Variants in PTCHD4 observed in about 807,000 individuals in gnomAD.
The protein encoded by PTCHD4 is patched domain containing 4.
A neutral mutation model predicts 58.1 loss-of-function variants in PTCHD4; 33 were observed. The observed-to-expected ratio is 0.57, with a 90% confidence interval of 0.43 to 0.76. The LOEUF (loss-of-function observed/expected upper bound fraction) is 0.76, where lower values mean the gene tolerates loss of function less well. Among genes scored for constraint, PTCHD4 ranks in the 30% least tolerant of loss-of-function variants. The pLI is 0.00. For missense variants in PTCHD4, 1,058 were observed against 1,027.1 expected, an observed-to-expected ratio of 1.03 and a Z score of -0.41; for synonymous variants, 478 against 409.6, an observed-to-expected ratio of 1.17 and a Z score of -2.02.
At chr6:48,105,087 C>T (rs1426366260) in intron 1 of PTCHD4, among the ~76,000 whole-genome samples, 3 of 152,196 alleles carry the variant, frequency 2.0e-5, no homozygotes, top group Admixed American at 6.5e-5. Flanking sequence ...GAACTCAGCT[C>T]TGCACCAAGC....
At chr6:47,992,408 A>T (rs1768316390) in intron 4 of PTCHD4, among the ~76,000 whole-genome samples, 1 of 152,228 alleles carries the variant, frequency 6.6e-6, no homozygotes, top group Admixed American at 6.5e-5. Flanking sequence ...TTTACATGTT[A>T]TCACAAAAGA....
At chr6:48,082,404 G>A (rs1202876062) in intron 1 of PTCHD4, among the ~76,000 whole-genome samples, 3 of 152,166 alleles carry the variant, frequency 2.0e-5, no homozygotes, top group African/African-American at 7.2e-5. Flanking sequence ...TTTCTGATCT[G>A]TGAACTGGAA....
At position 47,860,627 on chromosome 6, in the gene PTCHD4, GA is replaced by G. The variant is rs1763402643; in HGVS notation, c.*17675del. Among the ~76,000 whole-genome samples, 2 of 151,732 alleles carry G rather than the reference GA, an allele frequency of 1.3e-5. No homozygotes were observed. Among genetic ancestry groups the G allele is most frequent in the African/African-American group, 4.8e-5 (2 of 41,342 alleles). On this transcript the variant is annotated 3_prime_UTR_variant, in exon 5 of 5. Transcript: ENST00000339488. The stretch of plus-strand genomic sequence containing the variant: ...CTTCACAATGTCTATCTTCCTTTAT[GA>G]TTTTTTTTCTCTGAACTCATATCTT...
chr6:47,930,997 C>T (rs1581895399), intron 4 of PTCHD4, among the ~76,000 whole-genome samples: 1 of 152,194 alleles, frequency 6.6e-6, no homozygotes, highest in Non-Finnish European at 1.5e-5. Flanking sequence ...GTTGGCTAAG[C>T]TGGTCTTGAA....
chr6:48,009,572 C>G (rs916430706), intron 3 of PTCHD4, among the ~76,000 whole-genome samples: 2 of 152,140 alleles, frequency 1.3e-5, no homozygotes, highest in Non-Finnish European at 2.9e-5. Context: ...AGGGTTCATT[C>G]ATATACCTAT....
chr6:48,001,498 A>C (rs1768720616), intron 4 of PTCHD4, among the ~76,000 whole-genome samples: 1 of 152,232 alleles, frequency 6.6e-6, no homozygotes, highest in South Asian at 2.1e-4. Flanking sequence ...GACAAAAACA[A>C]GAACTGGGGA....
intron 1 of PTCHD4, among the ~76,000 whole-genome samples, chr6:48,086,347 T>A (rs1230294588): frequency 6.6e-6 from 1 of 152,338 alleles, no homozygotes; most frequent in South Asian, 2.1e-4. Context: ...GACCCCATTC[T>A]TAGTTCATTA....
At position 47,878,091 on chromosome 6, in the gene PTCHD4, G is replaced by T; in HGVS notation, c.*212C>A. The T allele has an allele frequency of 6.8e-6, 3 of 443,348 alleles. No individual in the cohort carries two copies. Among genetic ancestry groups the T allele is most frequent in the African/African-American group, 2.0e-5 (1 of 49,448 alleles). 27.5% of individuals were successfully genotyped at this position (443,348 alleles called of 1,614,324 possible). A position where few individuals can be genotyped will look rare whatever the true frequency, so the allele number is the denominator to read the frequency against. On this transcript the variant is annotated 3_prime_UTR_variant, in exon 5 of 5. Transcript: ENST00000339488. ...GATTACATCCAGAAACTTGTTTTTA[G>T]AGGAGAACAAGGTTGCAAATAACTT...
chr6:47,905,043 T>TCAGACACACA (rs1764832769), intron 4 of PTCHD4, among the ~76,000 whole-genome samples: 1 of 131,568 alleles, frequency 7.6e-6, no homozygotes, highest in Non-Finnish European at 1.6e-5. Flanking sequence ...AATACAGCCA[T>TCAGACACACA]CACACACACA....
intron 1 of PTCHD4, among the ~76,000 whole-genome samples, chr6:48,081,392 TTCAAATCTC>T (rs1327983532): frequency 1.3e-5 from 2 of 152,144 alleles, no homozygotes; most frequent in African/African-American, 4.8e-5. Context: ...CAAATCTAGG[TTCAAATCTC>T]TCAAATCCAT....
chr6:47,962,040 A>G (rs1253143439), intron 4 of PTCHD4, among the ~76,000 whole-genome samples: 4 of 152,158 alleles, frequency 2.6e-5, no homozygotes, highest in African/African-American at 4.8e-5. Context: ...TAGGAAAAAT[A>G]AAGAAGAAAA....
At chr6:48,067,417 G>A (rs781173294) in intron 3 of PTCHD4, among the ~76,000 whole-genome samples, 64 of 151,958 alleles carry the variant, frequency 4.2e-4, no homozygotes, top group Non-Finnish European at 7.8e-4. Flanking sequence ...ATTTTTTATG[G>A]GAAAGGAAGA....
At position 47,878,021 on chromosome 6, in the gene PTCHD4, A is replaced by G. The variant is rs1445876926; in HGVS notation, c.*282T>C. On this transcript the variant is annotated 3_prime_UTR_variant, in exon 5 of 5. Coordinates refer to ENST00000339488, the MANE Select transcript of PTCHD4 (RefSeq NM_001384253.1). ...AAGAAGCTGGTTATTTTGGCCTTCTATCTTAACACTCCATTGATTCATCCA... is the reference window on the plus strand; with the variant it reads ...AAGAAGCTGGTTATTTTGGCCTTCTGTCTTAACACTCCATTGATTCATCCA... 3 of 275,202 alleles carry G rather than the reference A, an allele frequency of 1.1e-5. No homozygotes were observed. Among genetic ancestry groups the G allele is most frequent in the Non-Finnish European group, 2.0e-5 (3 of 147,444 alleles). 17.0% of individuals were successfully genotyped at this position (275,202 alleles called of 1,614,324 possible). A position where few individuals can be genotyped will look rare whatever the true frequency, so the allele number is the denominator to read the frequency against.
intron 4 of PTCHD4, among the ~76,000 whole-genome samples, chr6:47,915,037 A>C (rs1461924835): frequency 6.6e-6 from 1 of 152,118 alleles, no homozygotes; most frequent in Non-Finnish European, 1.5e-5. Flanking sequence ...GGGCCAATAA[A>C]ATATGTCTGC....
At chr6:48,106,181 A>G (rs1460162107) in intron 1 of PTCHD4, among the ~76,000 whole-genome samples, 1 of 152,228 alleles carries the variant, frequency 6.6e-6, no homozygotes, top group East Asian at 1.9e-4. Context: ...TCCTTGATGA[A>G]CATTGATGCA....
intron 3 of PTCHD4, among the ~76,000 whole-genome samples, chr6:48,060,779 T>A (rs1764599742): frequency 6.6e-6 from 1 of 152,192 alleles, no homozygotes; most frequent in African/African-American, 2.4e-5. Flanking sequence ...CTGACACGCC[T>A]TCAGCCTTTG....
At chr6:47,968,365 T>C (rs1368853118) in intron 4 of PTCHD4, among the ~76,000 whole-genome samples, 2 of 152,120 alleles carry the variant, frequency 1.3e-5, no homozygotes, top group South Asian at 2.1e-4. Context: ...CCACAACAGA[T>C]ATAAAATATA....
chr6:47,989,343 A>C (rs1036826710), intron 4 of PTCHD4, among the ~76,000 whole-genome samples: 1 of 152,220 alleles, frequency 6.6e-6, no homozygotes, highest in Admixed American at 6.5e-5. Flanking sequence ...CCATTTACTG[A>C]AGAGGAATTC....
In PTCHD4 at chr6:48,068,563, G is replaced by A; in HGVS notation, c.84C>T (p.Cys28=). The change falls in exon 3 of 5, where the codon TGC becomes TGT. Residue 28 remains cysteine (C), a synonymous_variant. Coordinates refer to ENST00000339488, the MANE Select transcript of PTCHD4 (RefSeq NM_001384253.1). The surrounding 1 kb of genome is among the most constrained non-coding windows in gnomAD (Gnocchi z 4.2). ...GGCTCACGCACAAACCCAGCCTGTG[G>A]CAGAACGACTGGAGCCCTCTGCGAA... ...QVLRRGLQSF[C]HRLGLCVSRH... 1 of 1,593,566 alleles carries A rather than the reference G, an allele frequency of 6.3e-7. No individual in the cohort carries two copies. Among genetic ancestry groups the A allele is most frequent in the Non-Finnish European group, 8.5e-7 (1 of 1,173,342 alleles).
Sources: gnomAD v4.1 joint callset for allele counts (sites outside exome capture counted in the v4.1 genomes callset) on GRCh38, gnomAD v4.1.1 for gene constraint, Gnocchi (gnomAD v3.1) non-coding constraint, MANE v1.5 for transcripts, NCBI Gene and HGNC (gene_info 2026-07-23, HGNC 2026-07-21) for gene names.